PCDH15: variants seen among roughly 807,000 people sequenced by gnomAD.
PCDH15 encodes protocadherin-15.
Under a neutral mutation model 178.5 loss-of-function variants are expected in PCDH15, and 129 were observed. The observed-to-expected ratio is 0.72, with a 90% confidence interval of 0.63 to 0.84. The LOEUF (loss-of-function observed/expected upper bound fraction) is 0.84. PCDH15 is among the 40% of genes least tolerant of loss of function. The pLI is 0.00. For synonymous variants in PCDH15, 800 were observed against 732.0 expected, an observed-to-expected ratio of 1.09 and a Z score of -1.50; for missense variants, 2,230 against 2,099.9, an observed-to-expected ratio of 1.06 and a Z score of -1.21.
At chr10:55,468,948 A>G (rs934657147) in intron 2 of PCDH15, 6 of 152,170 alleles carry the variant, frequency 3.9e-5, no homozygotes, top group South Asian at 2.1e-4. Flanking sequence ...TAAGTTATCA[A>G]AATTAGCTTT....
intron 15 of PCDH15, among the ~76,000 whole-genome samples, chr10:54,096,152 T>C (rs1464372997): frequency 6.6e-6 from 1 of 152,032 alleles, no homozygotes; most frequent in Non-Finnish European, 1.5e-5. Flanking sequence ...CTTTTGAAAC[T>C]CATTTTCTAT....
At chr10:55,357,850 A>C (rs923361257) in intron 2 of PCDH15, among the ~76,000 whole-genome samples, 2 of 152,024 alleles carry the variant, frequency 1.3e-5, no homozygotes, top group African/African-American at 4.8e-5. Flanking sequence ...TACTGCCCCC[A>C]TACATTTCAG....
chr10:54,648,739 G>T (rs773754102), intron 2 of PCDH15, among the ~76,000 whole-genome samples: 2 of 152,060 alleles, frequency 1.3e-5, no homozygotes, highest in Non-Finnish European at 2.9e-5. Context: ...ATTACATAAT[G>T]CTTGCTATAC....
intron 2 of PCDH15, among the ~76,000 whole-genome samples, chr10:55,616,633 T>G (rs1459650110): frequency 6.6e-6 from 1 of 152,168 alleles, no homozygotes; most frequent in East Asian, 1.9e-4. Context: ...AGAAAATTTT[T>G]ATCACAGTCA....
At chr10:54,416,283 A>C (rs919606889) in intron 3 of PCDH15, among the ~76,000 whole-genome samples, 1 of 150,908 alleles carries the variant, frequency 6.6e-6, no homozygotes, top group Non-Finnish European at 1.5e-5. Flanking sequence ...CTAGCTCCCC[A>C]CCCCCCAAAA....
In PCDH15 at chr10:55,584,807, G is replaced by A. The variant is rs144287553; in HGVS notation, c.-156+42818C>T. On this transcript the variant is annotated intron_variant, in intron 2 of 5. Transcript: ENST00000613346. Reference sequence around the variant, plus strand: ...AGGATTTTGTTGAAGATCACAGTTGGATCGATTTTAAACTTGGTAAAATGT... The same window carrying A: ...AGGATTTTGTTGAAGATCACAGTTGAATCGATTTTAAACTTGGTAAAATGT... Among the ~76,000 whole-genome samples the A allele has an allele frequency of 2.6e-3, 396 of 151,410 alleles. 3 individuals carry two copies. Among genetic ancestry groups the A allele is most frequent in the African/African-American group, 9.1e-3 (377 of 41,386 alleles).
At chr10:55,336,776 G>A (rs1461429003) in intron 2 of PCDH15, among the ~76,000 whole-genome samples, 2 of 152,088 alleles carry the variant, frequency 1.3e-5, no homozygotes, top group Admixed American at 6.6e-5. Flanking sequence ...GAAAAACATA[G>A]CTTTCCGTTT....
At chr10:54,717,866 G>A (rs2095500301) in intron 1 of PCDH15, among the ~76,000 whole-genome samples, 1 of 143,450 alleles carries the variant, frequency 7.0e-6, no homozygotes, top group Admixed American at 7.1e-5. Flanking sequence ...CAACCCAAAT[G>A]TCCAACAATG....
chr10:55,581,547 A>G (rs1589153780), intron 2 of PCDH15, among the ~76,000 whole-genome samples: 1 of 151,982 alleles, frequency 6.6e-6, no homozygotes, highest in African/African-American at 2.4e-5. Flanking sequence ...TTTTCTGCAC[A>G]TAAGTGCAAA....
chr10:54,116,210 T>C (rs1197925117), intron 15 of PCDH15, among the ~76,000 whole-genome samples: 1 of 146,876 alleles, frequency 6.8e-6, no homozygotes, highest in Non-Finnish European at 1.5e-5. Context: ...AGAAATTAAG[T>C]TGTCAATGGA....
At chr10:54,001,344 CTAAAT>C (rs2092125688) in intron 20 of PCDH15, among the ~76,000 whole-genome samples, 1 of 151,838 alleles carries the variant, frequency 6.6e-6, no homozygotes. Context: ...AGTAGAAAGA[CTAAAT>C]TATGAAACAA....
intron 27 of PCDH15, among the ~76,000 whole-genome samples, chr10:53,859,405 T>A (rs571969968): frequency 1.3e-5 from 2 of 152,280 alleles, no homozygotes; most frequent in South Asian, 4.1e-4. Context: ...AACTCTTTAT[T>A]ACTGGTTCTT....
intron 21 of PCDH15, among the ~76,000 whole-genome samples, chr10:53,971,064 C>T (rs966215451): frequency 6.6e-6 from 1 of 152,170 alleles, no homozygotes; most frequent in East Asian, 1.9e-4. Flanking sequence ...CCAAATCCAG[C>T]AGCACATCAA....
At chr10:55,137,274 T>C (rs1838219761) in intron 2 of PCDH15, among the ~76,000 whole-genome samples, 1 of 152,196 alleles carries the variant, frequency 6.6e-6, no homozygotes, top group Admixed American at 6.6e-5. Context: ...ATTTTTACTG[T>C]ACATTTTCTA....
chr10:54,383,531 T>A (rs1469565392), intron 3 of PCDH15, among the ~76,000 whole-genome samples: 1 of 152,066 alleles, frequency 6.6e-6, no homozygotes, highest in African/African-American at 2.4e-5. Context: ...GAAAGGTTTA[T>A]ACCCTCAGAA....
intron 26 of PCDH15, among the ~76,000 whole-genome samples, chr10:53,867,764 GAAATA>G (rs545618567): frequency 1.7e-3 from 260 of 152,118 alleles, no homozygotes; most frequent in African/African-American, 6.0e-3. Flanking sequence ...TATCTCGAAT[GAAATA>G]AAATAAAGTT....
At chr10:54,152,624 G>C (rs993176006) in intron 14 of PCDH15, among the ~76,000 whole-genome samples, 1 of 151,944 alleles carries the variant, frequency 6.6e-6, no homozygotes, top group African/African-American at 2.4e-5. Flanking sequence ...TAACAAAAGG[G>C]ATTTCTCAGG....
chr10:53,826,152 GAAAC>G (rs2076666354), intron 32 of PCDH15, among the ~76,000 whole-genome samples: 1 of 150,366 alleles, frequency 6.7e-6, no homozygotes, highest in Non-Finnish European at 1.5e-5. Flanking sequence ...AATTACAAAA[GAAAC>G]AATCATTTTT....
At chr10:55,592,393 G>T (rs766788159) in intron 2 of PCDH15, among the ~76,000 whole-genome samples, 4 of 152,146 alleles carry the variant, frequency 2.6e-5, no homozygotes, top group Non-Finnish European at 4.4e-5. Flanking sequence ...CTGCTTCTAG[G>T]AATGCTGGCA....
Sources: gnomAD v4.1 joint callset for allele counts (sites outside exome capture counted in the v4.1 genomes callset) on GRCh38, gnomAD v4.1.1 for gene constraint, MANE v1.5 for transcripts, NCBI Gene and HGNC (gene_info 2026-07-23, HGNC 2026-07-21) for gene names.